The following KCNAB1 variants were observed in gnomAD, a reference collection of about 807,000 sequenced individuals.
KCNAB1 encodes the protein voltage-gated potassium channel subunit beta-1.
KCNAB1 carries 35 observed loss-of-function variants against 64.6 expected under a neutral mutation model. That is an observed-to-expected ratio of 0.54 (90% CI 0.41 to 0.72). KCNAB1 has a LOEUF of 0.72. Among genes scored for constraint, KCNAB1 ranks in the 30% least tolerant of loss-of-function variants. The probability of loss-of-function intolerance (pLI) is 0.00; values close to 1 mark genes in which losing one functional copy is unlikely to be tolerated. For missense variants in KCNAB1, 401 were observed against 512.9 expected (o/e 0.78, Z 2.11); for synonymous variants, 177 against 183.8 (o/e 0.96, Z 0.30).
intron 1 of KCNAB1, among the ~76,000 whole-genome samples, chr3:156,303,308 A>T (rs1721280486): frequency 6.6e-6 from 1 of 152,196 alleles, no homozygotes; most frequent in South Asian, 2.1e-4. Flanking sequence ...AGATTGCATT[A>T]TATCTGGGGA....
chr3:156,413,761 T>C (rs1330603152), intron 1 of KCNAB1, among the ~76,000 whole-genome samples: 1 of 152,184 alleles, frequency 6.6e-6, no homozygotes, highest in Non-Finnish European at 1.5e-5. Context: ...ACTGTGAGCA[T>C]CACTGAACAG....
At chr3:156,499,736 T>A (rs1716256510) in intron 8 of KCNAB1, among the ~76,000 whole-genome samples, 1 of 152,106 alleles carries the variant, frequency 6.6e-6, no homozygotes, top group South Asian at 2.1e-4. Flanking sequence ...GGGAATGTAA[T>A]AATACCACCT....
chr3:156,505,844 A>AAG (rs1485388051), intron 8 of KCNAB1, among the ~76,000 whole-genome samples: 1 of 151,974 alleles, frequency 6.6e-6, no homozygotes, highest in East Asian at 1.9e-4. Context: ...TAGAGGGAGT[A>AAG]AGAGAGAGAG....
Position 156,277,283 on chromosome 3 carries a change from T to C in KCNAB1, c.276-144333T>C, listed in dbSNP as rs138809014. ...AACATCAAAGATCACTGATGATAGA[T>C]CACCATAACAGATGTAATAATAGTG... On this transcript the variant is annotated intron_variant, in intron 1 of 13. Coordinates refer to ENST00000490337, the MANE Select transcript of KCNAB1 (RefSeq NM_172160.3). Among the ~76,000 whole-genome samples, 212 of 152,222 alleles carry C rather than the reference T, an allele frequency of 1.4e-3. 2 individuals carry two copies. The highest frequency in any genetic ancestry group is 5.0e-3 in the African/African-American group (207 of 41,542).
intron 1 of KCNAB1, among the ~76,000 whole-genome samples, chr3:156,381,816 G>T (rs1712178197): frequency 6.6e-6 from 1 of 152,134 alleles, no homozygotes; most frequent in Non-Finnish European, 1.5e-5. Flanking sequence ...GGGTAAAACT[G>T]GTAATACCTA....
chr3:156,212,406 T>C lies in KCNAB1; in HGVS notation c.275+91520T>C, dbSNP rs1285740424. Among the ~76,000 whole-genome samples, 3 of 152,162 alleles carry C rather than the reference T, an allele frequency of 2.0e-5. No homozygotes were observed. The East Asian group carries it at 5.8e-4, about 29-fold the overall frequency. ...TTCTTTTATGAATAAAAAAATGCTG[T>C]TTTTCCTTCAGTCATTCCACAATCA... On this transcript the variant is annotated intron_variant, in intron 1 of 13. Transcript: ENST00000490337.
intron 1 of KCNAB1, among the ~76,000 whole-genome samples, chr3:156,295,695 G>A (rs1720727995): frequency 1.3e-5 from 2 of 152,104 alleles, no homozygotes; most frequent in South Asian, 4.1e-4. Flanking sequence ...AATAACACAG[G>A]ATTATTCCTT....
chr3:156,280,861 T>G (rs1378757997), intron 1 of KCNAB1, among the ~76,000 whole-genome samples: 1 of 150,020 alleles, frequency 6.7e-6, no homozygotes, highest in Non-Finnish European at 1.5e-5. Flanking sequence ...AAGGAGATTT[T>G]GGGCTGAGAC....
intron 1 of KCNAB1, chr3:156,218,087 C>T (rs889165546): frequency 2.6e-5 from 4 of 152,280 alleles, no homozygotes; most frequent in African/African-American, 9.6e-5. Context: ...CAGGGAGGCT[C>T]GTGGTCTGGG....
At chr3:156,259,116 A>G (rs946337137) in intron 1 of KCNAB1, among the ~76,000 whole-genome samples, 1 of 152,358 alleles carries the variant, frequency 6.6e-6, no homozygotes, top group Non-Finnish European at 1.5e-5. Context: ...CTAGTGACTC[A>G]ATGCTGTAGA....
intron 1 of KCNAB1, among the ~76,000 whole-genome samples, chr3:156,147,616 G>T (rs1715114492): frequency 6.6e-6 from 1 of 152,092 alleles, no homozygotes; most frequent in Admixed American, 6.5e-5. Context: ...AAAAATAAGT[G>T]TTATTTGCCA....
chr3:156,496,768 A>C (rs1216490868), intron 8 of KCNAB1, among the ~76,000 whole-genome samples: 1 of 152,174 alleles, frequency 6.6e-6, no homozygotes, highest in Non-Finnish European at 1.5e-5. Context: ...AAGGGAAAAC[A>C]GCCAACATTG....
chr3:156,259,358 A>C (rs564256240), intron 1 of KCNAB1, among the ~76,000 whole-genome samples: 3 of 152,332 alleles, frequency 2.0e-5, no homozygotes, highest in Non-Finnish European at 2.9e-5. Context: ...TCTTTCTATC[A>C]AGTCAACCTG....
rs573570304 is a variant in KCNAB1, at chr3:156,234,580, G to C, written c.275+113694G>C. ...CAACGCTGGGAGTGGGGATGGGTTG[G>C]GGGGGTGTCCTGAGTGTTTGAAGAT... On this transcript the variant is annotated intron_variant, in intron 1 of 13. Transcript: ENST00000490337. 1.1e-4 allele frequency among the ~76,000 whole-genome samples: 16 copies of C among 152,224 alleles called. No homozygotes were observed. The South Asian group carries it at 2.7e-3, about 26-fold the overall frequency.
chr3:156,139,977 A>C (rs1714612051), intron 1 of KCNAB1, among the ~76,000 whole-genome samples: 1 of 152,232 alleles, frequency 6.6e-6, no homozygotes, highest in Non-Finnish European at 1.5e-5. Context: ...ACGGCATTAA[A>C]TAACTGATTC....
chr3:156,135,121 C>T (rs921185504), intron 1 of KCNAB1, among the ~76,000 whole-genome samples: 5 of 151,836 alleles, frequency 3.3e-5, no homozygotes, highest in East Asian at 3.9e-4. Flanking sequence ...CTCAGCCTCC[C>T]GAGTAGCTGG....
chr3:156,245,261 A>C (rs1717383923), intron 1 of KCNAB1, among the ~76,000 whole-genome samples: 1 of 152,200 alleles, frequency 6.6e-6, no homozygotes, highest in Non-Finnish European at 1.5e-5. Context: ...GACGTTATCC[A>C]TTCTTTTTCT....
intron 1 of KCNAB1, among the ~76,000 whole-genome samples, chr3:156,186,103 C>T (rs1409672307): frequency 1.3e-5 from 2 of 152,232 alleles, no homozygotes; most frequent in African/African-American, 2.4e-5. Context: ...GGCCACAAGT[C>T]TCCAATGACC....
intron 10 of KCNAB1, 112 bp from the exon 11 acceptor site, chr3:156,516,158 C>G (rs1319666901): frequency 2.9e-6 from 2 of 678,792 alleles, no homozygotes; most frequent in Admixed American, 5.0e-5. Context: ...ATTTATCTGG[C>G]CAGCTTTTCC....
Sources: gnomAD v4.1 joint callset for allele counts (sites outside exome capture counted in the v4.1 genomes callset) on GRCh38, gnomAD v4.1.1 for gene constraint, MANE v1.5 for transcripts, NCBI Gene and HGNC (gene_info 2026-07-23, HGNC 2026-07-21) for gene names.